Variants in PODN observed in about 807,000 individuals in gnomAD.
PODN encodes podocan proteoglycan.
Under a neutral mutation model 52.7 loss-of-function variants are expected in PODN, and 40 were observed. The observed-to-expected ratio is 0.76, with a 90% confidence interval of 0.59 to 0.99. The LOEUF is 0.99. Among genes scored for constraint, PODN ranks in the 50% least tolerant of loss-of-function variants. The pLI is 0.00. For synonymous variants in PODN, 396 were observed against 377.9 expected (o/e 1.05, Z -0.56); for missense variants, 720 against 815.1 (o/e 0.88, Z 1.42).
rs186181066 is a variant in PODN at position 53,081,448 on chromosome 1, C to T, written c.1662-533C>T. ...TCGGTTGCCCAGAAAGCCCTGGGCT[C>T]GATGATATCAGGGTGGCTTGACATG... is the stretch of plus-strand genomic sequence containing the variant. On this transcript the variant is annotated intron_variant, in intron 9 of 10. Coordinates refer to ENST00000312553, the MANE Select transcript of PODN (RefSeq NM_153703.5). 7.9e-5 allele frequency among the ~76,000 whole-genome samples: 12 copies of T among 152,266 alleles called. No individual in the cohort carries two copies. In the South Asian group the frequency reaches 8.3e-4, roughly 11 times the overall value.
At chr1:53,078,280 C>G in intron 7 of PODN, 85 bp from the exon 8 acceptor site, 1 of 1,392,848 alleles carries the variant, frequency 7.2e-7, no homozygotes, top group Non-Finnish European at 9.9e-7. Context: ...AGTGGCAATT[C>G]CCCAGCCACA....
intron 8 of PODN, 140 bp from the exon 9 acceptor site, chr1:53,080,588 G>T: frequency 1.2e-6 from 1 of 848,678 alleles, no homozygotes; most frequent in Non-Finnish European, 1.8e-6. Flanking sequence ...CTGGGAAGTG[G>T]GGATAATTAT....
Position 53,078,688 on chromosome 1 carries a change from C to T in PODN, c.1178C>T (p.Thr393Ile). 1 of 1,613,374 alleles carries T rather than the reference C, an allele frequency of 6.2e-7. No individual in the cohort carries two copies. Among genetic ancestry groups the T allele is most frequent in the Admixed American group, 1.7e-5 (1 of 60,034 alleles). The change falls in exon 8 of 11, where the codon ACA becomes ATA. Residue 393 changes from threonine to isoleucine, a missense_variant. Coordinates refer to ENST00000312553, the MANE Select transcript of PODN (RefSeq NM_153703.5). ...RTLMILHNQI[T>I]GIGREDFATT... ...CTCATGATCCTGCACAACCAGATCA[C>T]AGGCATTGGCCGCGAAGACTTTGCC...
At position 53,078,632 on chromosome 1, in the gene PODN, GC is replaced by G. The variant is rs776424613; in HGVS notation, c.1125del (p.Ser376ValfsTer11). ...HLYNNALERVPSGLPRRVRTL... is the reference protein window; with the variant it reads ...HLYNNALERVXSGLPRRVRTL... ...TGTACAACAACGCGCTGGAGCGCGT[GC>G]CCAGTGGCCTGCCTCGCCGCGTGCG... is the stretch of plus-strand genomic sequence containing the variant. On this transcript the variant is annotated frameshift_variant, in exon 8 of 11. Transcript: ENST00000312553. LOFTEE classifies it high-confidence loss of function. The G allele has an allele frequency of 6.2e-7, 1 of 1,613,030 alleles. No individual in the cohort carries two copies. The highest frequency in any genetic ancestry group is 8.5e-7 in the Non-Finnish European group (1 of 1,179,962).
In PODN at chr1:53,073,810, T is replaced by A. The variant is rs947712404; in HGVS notation, c.407-796T>A. The A allele has an allele frequency of 8.5e-5, 13 of 152,376 alleles. No homozygotes were observed. In the East Asian group the frequency reaches 2.3e-3, roughly 27 times the overall value. 9.4% of individuals were successfully genotyped at this position (152,376 alleles called of 1,614,324 possible). On this transcript the variant is annotated intron_variant, in intron 3 of 10. Transcript: ENST00000312553. The stretch of plus-strand genomic sequence containing the variant: ...GTAGGATTTACCCAATTTGAAGGTA[T>A]AATTGGCTGAGTTTTAGTCAGCGGT...
At chr1:53,080,605 C>T in intron 8 of PODN, 123 bp from the exon 9 acceptor site, 1 of 1,037,832 alleles carries the variant, frequency 9.6e-7, no homozygotes, top group Non-Finnish European at 1.4e-6. Context: ...TTATAGACAC[C>T]CCCCCTCCTC....
Position 53,080,742 on chromosome 1 carries a change from C to G in PODN, c.1527C>G (p.Ala509=). 1 of 1,613,884 alleles carries G rather than the reference C, an allele frequency of 6.2e-7. No individual in the cohort carries two copies. Among genetic ancestry groups the G allele is most frequent in the Non-Finnish European group, 8.5e-7 (1 of 1,179,906 alleles). Residue 509 remains alanine (A), a synonymous_variant, in exon 9 of 11, where the codon GCC becomes GCG. Transcript: ENST00000312553. ...CACCCCTGCAGCTGCTGGACATCGC[C>G]GGGAATCAGCTCACAGAGATCCCCG... ...DLAHLQLLDI[A]GNQLTEIPEG...
chr1:53,081,023 A>C, intron 9 of PODN, 147 bp downstream of exon 9: 2 of 1,119,414 alleles, frequency 1.8e-6, no homozygotes, highest in South Asian at 3.3e-5. Context: ...AGTCCTGGCC[A>C]GGCCCGATAT....
intron 7 of PODN, 123 bp from the exon 8 acceptor site, chr1:53,078,242 T>C (rs1397480217): frequency 1.0e-6 from 1 of 993,846 alleles, no homozygotes; most frequent in Non-Finnish European, 1.5e-6. Flanking sequence ...GGGCCCACAG[T>C]CAGTGAGCAG....
intron 9 of PODN, among the ~76,000 whole-genome samples, chr1:53,081,130 C>T (rs974352363): frequency 3.9e-5 from 6 of 152,254 alleles, no homozygotes; most frequent in Non-Finnish European, 5.9e-5. Flanking sequence ...TGGACAGCAT[C>T]TTCCTGGTTT....
Position 53,069,965 on chromosome 1 carries a change from G to A in PODN, c.110G>A (p.Ser37Asn), listed in dbSNP as rs764061921. 6.2e-7 allele frequency: 1 copy of A among 1,604,770 alleles called. No individual in the cohort carries two copies. The highest frequency in any genetic ancestry group is 1.7e-5 in the Admixed American group (1 of 58,888). Reference protein sequence around the residue: ...APGFGRSGGHSLSPEENEFAE... With the variant: ...APGFGRSGGHNLSPEENEFAE... Reference sequence around the variant, plus strand: ...GGATTTGGCCGAAGTGGCGGCCACAGCCTGAGCCCCGAAGAGAACGAATTT... The same window carrying A: ...GGATTTGGCCGAAGTGGCGGCCACAACCTGAGCCCCGAAGAGAACGAATTT... Residue 37 changes from serine (S) to asparagine (N), a missense_variant, in exon 2 of 11, where the codon AGC becomes AAC. Physicochemically the swap from Ser to Asn is conservative, Grantham distance 46. Coordinates refer to ENST00000312553, the MANE Select transcript of PODN (RefSeq NM_153703.5).
chr1:53,078,916 G>T lies in PODN; in HGVS notation c.1406G>T (p.Gly469Val). Residue 469 changes from glycine (G) to valine (V), a missense_variant, in exon 8 of 11, where the codon GGG becomes GTG. Transcript: ENST00000312553. ...KRNELAALAR[G>V]ALVGMAQLRE... ...AATGAGCTGGCTGCCTTGGCACGAG[G>T]GGCGCTGGTGGGCATGGCTCAGCTG... 4 of 1,599,540 alleles carry T rather than the reference G, an allele frequency of 2.5e-6. No individual in the cohort carries two copies. Among genetic ancestry groups the T allele is most frequent in the Non-Finnish European group, 3.4e-6 (4 of 1,173,418 alleles).
chr1:53,068,265 A>G (rs746515343), intron 1 of PODN, among the ~76,000 whole-genome samples: 22 of 152,206 alleles, frequency 1.4e-4, no homozygotes, highest in Non-Finnish European at 2.8e-4. Context: ...CATTAACATC[A>G]TTGTCAAGCT....
intron 1 of PODN, chr1:53,063,301 C>A: frequency 4.2e-6 from 4 of 956,386 alleles, no homozygotes; most frequent in Non-Finnish European, 5.0e-6. Context: ...CCGGGAGGCG[C>A]GGAGGATGCT....
chr1:53,074,684 G>A lies in PODN; in HGVS notation c.471+14G>A, dbSNP rs546279972. The A allele has an allele frequency of 1.1e-4, 176 of 1,613,476 alleles. 1 individual carries two copies. In the South Asian group the frequency reaches 1.8e-3, roughly 17 times the overall value. On this transcript the variant is annotated intron_variant, in intron 4 of 10. Transcript: ENST00000312553. ...GCCAATAACAAGGTGAGGGGCTTGA[G>A]GCAGGGTGGGGGGTTGCTGCCCTGT...
intron 5 of PODN, among the ~76,000 whole-genome samples, chr1:53,076,942 G>C (rs1277442130): frequency 6.6e-6 from 1 of 152,186 alleles, no homozygotes; most frequent in Non-Finnish European, 1.5e-5. Context: ...GCGTGGAGGG[G>C]CCTCTGCCAG....
intron 3 of PODN, among the ~76,000 whole-genome samples, chr1:53,072,470 A>G (rs1482892896): frequency 6.6e-6 from 1 of 152,222 alleles, no homozygotes; most frequent in Non-Finnish European, 1.5e-5. Context: ...ACCAGTCCAC[A>G]AGACAGGCAG....
In PODN at chr1:53,079,973, C is replaced by T. The variant is rs142809547; in HGVS notation, c.1513-755C>T. Among the ~76,000 whole-genome samples, 932 of 131,014 alleles carry T rather than the reference C, an allele frequency of 7.1e-3. 9 individuals are homozygous for T. Among genetic ancestry groups the T allele is most frequent in the African/African-American group, 0.025 (877 of 34,452 alleles). 86.0% of individuals were successfully genotyped at this position (131,014 alleles called of 152,430 possible). Reference sequence around the variant, plus strand: ...TCACGCTACAGCACTCAATCCTGGACGACAGAGTGAGACGCTGTCTCAAAT... The same window carrying T: ...TCACGCTACAGCACTCAATCCTGGATGACAGAGTGAGACGCTGTCTCAAAT... On this transcript the variant is annotated intron_variant, in intron 8 of 10. Coordinates refer to ENST00000312553, the MANE Select transcript of PODN (RefSeq NM_153703.5).
At chr1:53,082,424 G>A (rs1291576563) in intron 10 of PODN, among the ~76,000 whole-genome samples, 1 of 152,214 alleles carries the variant, frequency 6.6e-6, no homozygotes, top group Non-Finnish European at 1.5e-5. Flanking sequence ...TGTCACGGGA[G>A]TGACCGGGGG....
Sources: gnomAD v4.1 joint callset for allele counts (sites outside exome capture counted in the v4.1 genomes callset) on GRCh38, gnomAD v4.1.1 for gene constraint, MANE v1.5 for transcripts, NCBI Gene and HGNC (gene_info 2026-07-23, HGNC 2026-07-21) for gene names.